Variants in LMTK2 observed in about 807,000 individuals in gnomAD.
LMTK2 encodes the protein serine/threonine-protein kinase LMTK2.
LMTK2 carries 37 observed loss-of-function variants against 127.5 expected under a neutral mutation model. That is an observed-to-expected ratio of 0.29 (90% CI 0.22 to 0.38). The LOEUF (loss-of-function observed/expected upper bound fraction) is 0.38. LMTK2 is among the 10% of genes least tolerant of loss of function. The pLI is 1.00. For missense variants in LMTK2, 1,694 were observed against 1,920.3 expected (o/e 0.88, Z 2.20); for synonymous variants, 819 against 810.1 (o/e 1.01, Z -0.19).
Position 98,192,167 on chromosome 7 carries a change from C to T in LMTK2, c.1702C>T (p.Pro568Ser). ...KSGSNLELDY[P>S]PALLTTDMDN... Reference sequence around the variant, plus strand: ...TGGTAGTAACTTGGAGCTTGATTACCCACCAGCGCTGCTCACAACCGACAT... The same window carrying T: ...TGGTAGTAACTTGGAGCTTGATTACTCACCAGCGCTGCTCACAACCGACAT... The change falls in exon 11 of 14, where the codon CCA becomes TCA. Residue 568 changes from proline (P) to serine (S), a missense_variant. By Grantham distance (74) the Pro-to-Ser change is moderately conservative. Transcript: ENST00000297293. The T allele has an allele frequency of 2.0e-6, 3 of 1,526,188 alleles. No homozygotes were observed. Among genetic ancestry groups the T allele is most frequent in the South Asian group, 1.3e-5 (1 of 75,510 alleles). The allele number at this position is 1,526,188 out of a possible 1,614,324, so 94.5% of individuals were successfully genotyped here. A position where few individuals can be genotyped will look rare whatever the true frequency, so the allele number is the denominator to read the frequency against.
chr7:98,178,819 C>T (rs1797311380), intron 7 of LMTK2, among the ~76,000 whole-genome samples: 1 of 152,240 alleles, frequency 6.6e-6, no homozygotes, highest in African/African-American at 2.4e-5. Flanking sequence ...CAGTGTTACC[C>T]TTGCAACAGC....
chr7:98,174,366 A>G (rs1218858408), intron 7 of LMTK2, among the ~76,000 whole-genome samples: 1 of 152,166 alleles, frequency 6.6e-6, no homozygotes, highest in African/African-American at 2.4e-5. Context: ...TTGTATTTCT[A>G]CCTATTGTTT....
intron 9 of LMTK2, among the ~76,000 whole-genome samples, chr7:98,187,781 T>C (rs1249327859): frequency 2.0e-5 from 3 of 152,112 alleles, no homozygotes; most frequent in Admixed American, 2.0e-4. Flanking sequence ...ATTTTTGTAC[T>C]TTTAGTAGAG....
intron 6 of LMTK2, among the ~76,000 whole-genome samples, chr7:98,167,779 G>A (rs956118803): frequency 1.3e-5 from 2 of 152,192 alleles, no homozygotes; most frequent in Non-Finnish European, 2.9e-5. Flanking sequence ...CCCTGGTCGG[G>A]GAGCGCCCCC....
Position 98,186,895 on chromosome 7 carries a change from G to A in LMTK2, c.895G>A (p.Asp299Asn). Residue 299 changes from aspartate (D) to asparagine (N), a missense_variant, in exon 9 of 14, where the codon GAT (aspartate) becomes AAT (asparagine). Physicochemically the swap from Asp to Asn is conservative, Grantham distance 23. Coordinates refer to ENST00000297293, the MANE Select transcript of LMTK2 (RefSeq NM_014916.4). ...SRYKEDYIET[D>N]DKKVFPLRWT... ...AAAACAGGAGGATTATATTGAAACA[G>A]ATGATAAAAAAGTTTTCCCTCTGCG... 4 of 1,612,934 alleles carry A rather than the reference G, an allele frequency of 2.5e-6. No individual in the cohort carries two copies. Among genetic ancestry groups the A allele is most frequent in the Non-Finnish European group, 3.4e-6 (4 of 1,179,210 alleles).
rs746699088 is a variant in LMTK2, at chr7:98,194,036, G to C, written c.3571G>C (p.Val1191Leu). The change falls in exon 11 of 14, where the codon GTG becomes CTG. Residue 1191 changes from valine (V) to leucine (L), a missense_variant. By Grantham distance (32) the Val-to-Leu change is conservative. Transcript: ENST00000297293. The surrounding 1 kb of genome is among the most constrained non-coding windows in gnomAD (Gnocchi z 5.4). ...EPAQTGVPQQ[V>L]HPTEDEASSP... ...AGCACAGACTGGTGTTCCCCAGCAGGTGCATCCCACGGAAGACGAGGCCAG... is the reference window on the plus strand; with the variant it reads ...AGCACAGACTGGTGTTCCCCAGCAGCTGCATCCCACGGAAGACGAGGCCAG... 1.2e-6 allele frequency: 2 copies of C among 1,614,130 alleles called. No homozygotes were observed. Among genetic ancestry groups the C allele is most frequent in the South Asian group, 1.1e-5 (1 of 91,086 alleles).
intron 6 of LMTK2, among the ~76,000 whole-genome samples, chr7:98,169,082 A>AT (rs1451986837): frequency 6.6e-6 from 1 of 152,080 alleles, no homozygotes; most frequent in Non-Finnish European, 1.5e-5. Context: ...TTTTATGTTG[A>AT]TTTTTTCTTT....
intron 5 of LMTK2, 67 bp from the exon 6 acceptor site, chr7:98,159,271 C>A: frequency 2.1e-6 from 2 of 968,736 alleles, no homozygotes; most frequent in Non-Finnish European, 3.1e-6. Flanking sequence ...TATTAGTATG[C>A]TTTTGTTTGA....
At position 98,193,911 on chromosome 7, in the gene LMTK2, A is replaced by G; in HGVS notation, c.3446A>G (p.Gln1149Arg). ...PVLPEQSPAA[Q>R]DSCLEARKSQ... ...CTCCCCGAGCAAAGTCCTGCTGCCC[A>G]GGATAGCTGCCTGGAAGCCAGAAAG... Residue 1149 changes from glutamine (Q) to arginine (R), a missense_variant, in exon 11 of 14, where the codon CAG (glutamine) becomes CGG (arginine). This residue lies in a region of LMTK2 where 554 missense variants were observed against 567.7 expected (regional missense o/e 0.98). Coordinates refer to ENST00000297293, the MANE Select transcript of LMTK2 (RefSeq NM_014916.4). This position sits in a 1 kb window ranked among gnomAD's most constrained non-coding sequence, Gnocchi z 4.1. 2 of 1,614,116 alleles carry G rather than the reference A, an allele frequency of 1.2e-6. No homozygotes were observed. The highest frequency in any genetic ancestry group is 1.6e-4 in the Middle Eastern group (1 of 6,062).
At chr7:98,149,530 G>A (rs1029385775) in intron 3 of LMTK2, among the ~76,000 whole-genome samples, 4 of 152,192 alleles carry the variant, frequency 2.6e-5, no homozygotes, top group Non-Finnish European at 4.4e-5. Context: ...ATTCGATAGA[G>A]GTGCAGTTAA....
At chr7:98,109,521 A>G (rs924206886) in intron 1 of LMTK2, among the ~76,000 whole-genome samples, 5 of 151,990 alleles carry the variant, frequency 3.3e-5, no homozygotes, top group Non-Finnish European at 7.4e-5. Context: ...AGGTGGGTGG[A>G]TTGCTTGAGG....
intron 5 of LMTK2, among the ~76,000 whole-genome samples, chr7:98,158,855 ATGC>A (rs1352210044): frequency 1.3e-5 from 2 of 152,164 alleles, no homozygotes; most frequent in Non-Finnish European, 2.9e-5. Context: ...CCTCTTTTAA[ATGC>A]TGCTTTAAAA....
intron 7 of LMTK2, among the ~76,000 whole-genome samples, chr7:98,178,403 C>G (rs1178521354): frequency 1.3e-5 from 2 of 152,160 alleles, no homozygotes; most frequent in Non-Finnish European, 2.9e-5. Flanking sequence ...GGGAACCCTT[C>G]AGAACCGCGA....
At chr7:98,199,862 A>G (rs1797682658) in intron 11 of LMTK2, among the ~76,000 whole-genome samples, 1 of 152,160 alleles carries the variant, frequency 6.6e-6, no homozygotes. Flanking sequence ...TACCTGTATC[A>G]TTATATTTGA....
At chr7:98,156,746 G>A (rs562621559) in intron 5 of LMTK2, among the ~76,000 whole-genome samples, 5 of 152,312 alleles carry the variant, frequency 3.3e-5, no homozygotes, top group East Asian at 1.9e-4. Flanking sequence ...ATGAAGTTAC[G>A]GAGGCTGGAA....
At position 98,171,541 on chromosome 7, in the gene LMTK2, G is replaced by A; in HGVS notation, c.658G>A (p.Gly220Ser). ...AACTCACACGGGCTGACTTTTGCAG[G>A]GTGACCTGAAGGCGTATCTGCGCAG... is the stretch of plus-strand genomic sequence containing the variant. Reference protein sequence around the residue: ...YLLVFEFCDLGDLKAYLRSEQ... With the variant: ...YLLVFEFCDLSDLKAYLRSEQ... Residue 220 changes from glycine (G) to serine (S), a missense_variant and splice_region_variant, in exon 7 of 14, where the codon GGT (glycine) becomes AGT (serine). By Grantham distance (56) the Gly-to-Ser change is moderately conservative (BLOSUM62 0). Coordinates refer to ENST00000297293, the MANE Select transcript of LMTK2 (RefSeq NM_014916.4). The surrounding 1 kb of genome is among the most constrained non-coding windows in gnomAD (Gnocchi z 5.1). The A allele has an allele frequency of 1.2e-6, 2 of 1,614,052 alleles. No homozygotes were observed. Among genetic ancestry groups the A allele is most frequent in the Non-Finnish European group, 1.7e-6 (2 of 1,180,046 alleles).
chr7:98,184,095 C>T (rs976567220), intron 7 of LMTK2, among the ~76,000 whole-genome samples: 4 of 152,114 alleles, frequency 2.6e-5, no homozygotes, highest in Non-Finnish European at 4.4e-5. Context: ...AAGGGCCAAG[C>T]GGGTGACTTG....
intron 3 of LMTK2, among the ~76,000 whole-genome samples, chr7:98,148,882 G>A (rs755499939): frequency 2.0e-5 from 3 of 152,110 alleles, no homozygotes; most frequent in Non-Finnish European, 4.4e-5. Context: ...TTCTGAGTAC[G>A]CATCCTGCCC....
rs4729410 is a variant in LMTK2, at chr7:98,159,380, C to T, written c.612C>T (p.Cys204=). Residue 204 remains cysteine, a synonymous_variant, in exon 6 of 14, where the codon TGC becomes TGT. Coordinates refer to ENST00000297293, the MANE Select transcript of LMTK2 (RefSeq NM_014916.4). ...ATATTCTTCAGTGTGTTGGACAGTGCGTAGAAGCGATTCCCTACCTCCTGG... is the reference window on the plus strand; with the variant it reads ...ATATTCTTCAGTGTGTTGGACAGTGTGTAGAAGCGATTCCCTACCTCCTGG... ...HPNILQCVGQ[C]VEAIPYLLVF... is the part of the protein sequence containing the mutation. The T allele has an allele frequency of 3.5e-3, 5,612 of 1,612,356 alleles. 256 individuals are homozygous for T. In the Admixed American group the frequency reaches 0.079, roughly 23 times the overall value.
Sources: gnomAD v4.1 joint callset for allele counts (sites outside exome capture counted in the v4.1 genomes callset) on GRCh38, gnomAD v4.1.1 for gene constraint, gnomAD v4.1.1 regional missense constraint, Gnocchi (gnomAD v3.1) non-coding constraint, MANE v1.5 for transcripts, NCBI Gene and HGNC (gene_info 2026-07-23, HGNC 2026-07-21) for gene names.